Variants in ETNPPL observed in about 807,000 individuals in gnomAD.
ETNPPL encodes the protein ethanolamine-phosphate phospho-lyase.
Under a neutral mutation model 55.5 loss-of-function variants are expected in ETNPPL, and 30 were observed. The observed-to-expected ratio is 0.54, with a 90% CI of 0.40 to 0.73. ETNPPL has a LOEUF of 0.73. Among genes scored for constraint, ETNPPL ranks in the 30% least tolerant of loss-of-function variants. The pLI is 0.00. For synonymous variants in ETNPPL, 202 were observed against 207.2 expected, an observed-to-expected ratio of 0.98 and a Z score of 0.21; for missense variants, 528 against 607.9, an observed-to-expected ratio of 0.87 and a Z score of 1.38.
intron 1 of ETNPPL, among the ~76,000 whole-genome samples, chr4:108,761,791 A>G (rs1309249328): frequency 6.6e-6 from 1 of 152,126 alleles, no homozygotes; most frequent in Non-Finnish European, 1.5e-5. Flanking sequence ...AGAGAGATGG[A>G]ACTAGTCTTC....
chr4:108,748,642 G>T (rs1050585451), intron 8 of ETNPPL, among the ~76,000 whole-genome samples: 3 of 151,972 alleles, frequency 2.0e-5, no homozygotes, highest in Non-Finnish European at 2.9e-5. Flanking sequence ...AGCTTATGGG[G>T]ATAAGTCAAA....
rs778944810 is a variant in ETNPPL, at chr4:108,754,619, C to T, written c.501+1G>A. 1.5e-5 allele frequency: 22 copies of T among 1,452,758 alleles called. 1 individual carries two copies. The highest frequency in any genetic ancestry group is 1.9e-5 in the Non-Finnish European group (20 of 1,036,526). The allele number at this position is 1,452,758 out of a possible 1,614,324, so 90.0% of individuals were successfully genotyped here. A position where few individuals can be genotyped will look rare whatever the true frequency, so the allele number is the denominator to read the frequency against. Reference sequence around the variant, plus strand: ...CTGATTTAGGATTTTAAGACACTTACCACATGTACAAATTCTTTTTTGACA... The same window carrying T: ...CTGATTTAGGATTTTAAGACACTTATCACATGTACAAATTCTTTTTTGACA... On this transcript the variant is annotated splice_donor_variant, in intron 5 of 12. Coordinates refer to ENST00000296486, the MANE Select transcript of ETNPPL (RefSeq NM_031279.4). LOFTEE classifies it high-confidence loss of function.
At chr4:108,762,754 G>A in intron 1 of ETNPPL, 89 bp downstream of exon 1, 3 of 1,474,212 alleles carry the variant, frequency 2.0e-6, no homozygotes, top group Non-Finnish European at 2.9e-6. Context: ...GCAGCGCATC[G>A]TTTGTTCCCT....
chr4:108,743,906 A>G, intron 11 of ETNPPL, 50 bp from the exon 12 acceptor site: 2 of 1,338,266 alleles, frequency 1.5e-6, no homozygotes, highest in South Asian at 2.5e-5. Context: ...TAAAAACCTT[A>G]AGAAAAAAAC....
rs5860940 is a variant in ETNPPL, at chr4:108,745,930, C to CAAAA, written c.1303+465_1303+468dup. Among the ~76,000 whole-genome samples the CAAAA allele has an allele frequency of 5.1e-4, 36 of 70,748 alleles. 1 individual carries two copies. The highest frequency in any genetic ancestry group is 1.3e-3 in the South Asian group (3 of 2,336). The allele number at this position is 70,748 out of a possible 152,430, so 46.4% of individuals were successfully genotyped here. ...TGGATGACAGAGTGAGACTCCATCT[C>CAAAA]AAAAAAAAAAAAAAAAAAAACCACG... is the stretch of plus-strand genomic sequence containing the variant. On this transcript the variant is annotated intron_variant, in intron 11 of 12. Transcript: ENST00000296486.
chr4:108,758,478 G>A (rs965043492), intron 3 of ETNPPL, among the ~76,000 whole-genome samples: 6 of 152,236 alleles, frequency 3.9e-5, no homozygotes, highest in South Asian at 2.1e-4. Context: ...GGCCAGGCAC[G>A]GTGGCTCACA....
chr4:108,756,597 G>T, intron 3 of ETNPPL, 105 bp from the exon 4 acceptor site: 1 of 786,152 alleles, frequency 1.3e-6, no homozygotes, highest in African/African-American at 1.7e-5. Flanking sequence ...AGCGCTTTGA[G>T]AGGCCAAGGA....
In ETNPPL at chr4:108,742,420, T is replaced by C; in HGVS notation, c.*64A>G. The C allele has an allele frequency of 6.4e-7, 1 of 1,560,590 alleles. No individual in the cohort carries two copies. The highest frequency in any genetic ancestry group is 8.8e-7 in the Non-Finnish European group (1 of 1,134,996). On this transcript the variant is annotated 3_prime_UTR_variant, in exon 13 of 13. Transcript: ENST00000296486. The stretch of plus-strand genomic sequence containing the variant: ...GAGGTATAATAGAGCTATTAACCGA[T>C]GAGACACATCTACTCATTCTCTGTA...
chr4:108,748,172 A>G lies in ETNPPL; in HGVS notation c.928-13T>C, dbSNP rs778137901. The G allele has an allele frequency of 6.4e-6, 10 of 1,551,284 alleles. No individual in the cohort carries two copies. The highest frequency in any genetic ancestry group is 4.7e-5 in the Admixed American group (2 of 42,682). On this transcript the variant is annotated splice_polypyrimidine_tract_variant and intron_variant, in intron 8 of 12. Coordinates refer to ENST00000296486, the MANE Select transcript of ETNPPL (RefSeq NM_031279.4). ...GATTTCCTCCATACTGTAAAAAAAA[A>G]AAAGACAAATGAGAAAATATACCAG...
chr4:108,757,071 TG>T, intron 3 of ETNPPL, among the ~76,000 whole-genome samples: 1 of 152,228 alleles, frequency 6.6e-6, no homozygotes, highest in South Asian at 2.1e-4. Flanking sequence ...AGCCACATAG[TG>T]ACTGAGGACA....
At position 108,747,169 on chromosome 4, in the gene ETNPPL, T is replaced by C. The variant is rs1433881413; in HGVS notation, c.1083-318A>G. 7.3e-4 allele frequency among the ~76,000 whole-genome samples: 10 copies of C among 13,670 alleles called. 3 individuals carry two copies. The highest frequency in any genetic ancestry group is 5.6e-3 in the African/African-American group (10 of 1,790). 9.0% of individuals were successfully genotyped at this position (13,670 alleles called of 152,430 possible). On this transcript the variant is annotated intron_variant, in intron 9 of 12. Coordinates refer to ENST00000296486, the MANE Select transcript of ETNPPL (RefSeq NM_031279.4). ...ATATAATATATATATATATATTATA[T>C]ATATATATATAATATATATATATAT...
chr4:108,751,429 T>C (rs1728908814), intron 6 of ETNPPL, among the ~76,000 whole-genome samples: 1 of 152,180 alleles, frequency 6.6e-6, no homozygotes, highest in Admixed American at 6.5e-5. Flanking sequence ...GTAGGGCTGC[T>C]TGAGGCTGGA....
intron 4 of ETNPPL, among the ~76,000 whole-genome samples, chr4:108,755,636 G>A (rs1162888052): frequency 6.6e-6 from 1 of 152,184 alleles, no homozygotes; most frequent in African/African-American, 2.4e-5. Context: ...GGCCAACATG[G>A]TGAAAACCTG....
At chr4:108,751,607 T>C (rs1393349168) in intron 6 of ETNPPL, among the ~76,000 whole-genome samples, 1 of 152,194 alleles carries the variant, frequency 6.6e-6, no homozygotes, top group Non-Finnish European at 1.5e-5. Flanking sequence ...AGGAAACAGA[T>C]AATGTTGAAG....
At chr4:108,753,811 G>GAGAAAGAAAAGAA (rs1729060338) in intron 5 of ETNPPL, among the ~76,000 whole-genome samples, 3 of 128,862 alleles carry the variant, frequency 2.3e-5, no homozygotes, top group Admixed American at 1.6e-4. Context: ...AAAGAAAAGA[G>GAGAAAGAAAAGAA]AAGAAAAGAA....
intron 10 of ETNPPL, 77 bp from the exon 11 acceptor site, chr4:108,746,606 C>A: frequency 4.6e-6 from 7 of 1,531,290 alleles, no homozygotes; most frequent in African/African-American, 1.4e-5. Flanking sequence ...GAACATAGAG[C>A]AGTTTAAGTA....
rs1728639779 is a variant in ETNPPL at position 108,747,226 on chromosome 4, ATATATATATATATAATATATATATATAT to A, written c.1083-403_1083-376del. Among the ~76,000 whole-genome samples the A allele has an allele frequency of 3.4e-4, 5 of 14,734 alleles. No homozygotes were observed. In the South Asian group the frequency reaches 9.1e-3, roughly 27 times the overall value. 9.7% of individuals were successfully genotyped at this position (14,734 alleles called of 152,430 possible). ...TATATATAATATATATATATATATT[ATATATATATATATAATATATATATATAT>A]TATATATATATATGTCAGTATTTCA... is the stretch of plus-strand genomic sequence containing the variant. On this transcript the variant is annotated intron_variant, in intron 9 of 12. Coordinates refer to ENST00000296486, the MANE Select transcript of ETNPPL (RefSeq NM_031279.4).
chr4:108,745,210 A>C (rs1301777750), intron 11 of ETNPPL, among the ~76,000 whole-genome samples: 1 of 152,208 alleles, frequency 6.6e-6, no homozygotes, highest in Non-Finnish European at 1.5e-5. Flanking sequence ...TTTATGATAG[A>C]CTATAATTCT....
chr4:108,748,725 A>G (rs1337813388), intron 8 of ETNPPL, among the ~76,000 whole-genome samples: 3 of 152,234 alleles, frequency 2.0e-5, no homozygotes, highest in Non-Finnish European at 4.4e-5. Flanking sequence ...GTACTGAGTC[A>G]TAAAAATACT....
Sources: allele counts gnomAD v4.1 joint callset (sites outside exome capture counted in the v4.1 genomes callset), GRCh38; gene constraint gnomAD v4.1.1; transcripts MANE v1.5; gene names NCBI Gene and HGNC (gene_info 2026-07-23, HGNC 2026-07-21).